CLMN: variants seen among roughly 807,000 people sequenced by gnomAD.
CLMN encodes the protein calmin (calponin-like, transmembrane).
Under a neutral mutation model 92.7 loss-of-function variants are expected in CLMN, and 57 were observed. The ratio of observed to expected loss-of-function variants is 0.61; its 90% confidence interval spans 0.50 to 0.77. The LOEUF (loss-of-function observed/expected upper bound fraction) is 0.77, where lower values mean the gene tolerates loss of function less well. Ranked by LOEUF, CLMN falls within the 30% of genes least tolerant of loss-of-function variation. The pLI is 0.00. For synonymous variants in CLMN, 466 were observed against 470.6 expected (o/e 0.99, Z 0.13); for missense variants, 1,158 against 1,237.5 (o/e 0.94, Z 0.96).
chr14:95,242,250 C>CTTTTTTTTTTTTTTTTT (rs371417505), intron 1 of CLMN, among the ~76,000 whole-genome samples: 24 of 92,596 alleles, frequency 2.6e-4, no homozygotes, highest in Non-Finnish European at 3.9e-4. Flanking sequence ...TTTTCTTTTT[C>CTTTTTTTTTTTTTTTTT]TTTTTTTTTT....
chr14:95,242,568 C>CTGTTTCTTTCTTTT (rs1898292031), intron 1 of CLMN, among the ~76,000 whole-genome samples: 1 of 126,476 alleles, frequency 7.9e-6, no homozygotes. Flanking sequence ...CCTGGCATCT[C>CTGTTTCTTTCTTTT]TTTTTCTTTT....
At chr14:95,204,516 A>C in intron 8 of CLMN, 53 bp from the exon 9 acceptor site, 1 of 1,419,212 alleles carries the variant, frequency 7.0e-7, no homozygotes. Context: ...GAACAACAAC[A>C]AAAAAAAGCA....
chr14:95,296,289 C>G (rs1255122481), intron 1 of CLMN: 1 of 152,166 alleles, frequency 6.6e-6, no homozygotes, highest in African/African-American at 2.4e-5. Context: ...GATAACTAAC[C>G]CACTCCCTCA....
At chr14:95,288,348 G>A (rs1900423450) in intron 1 of CLMN, among the ~76,000 whole-genome samples, 1 of 152,200 alleles carries the variant, frequency 6.6e-6, no homozygotes, top group Non-Finnish European at 1.5e-5. Context: ...AAAGAGATAA[G>A]CCTAAGAGAA....
At chr14:95,261,968 A>T (rs17091981) in intron 1 of CLMN, among the ~76,000 whole-genome samples, 3 of 152,088 alleles carry the variant, frequency 2.0e-5, no homozygotes, top group African/African-American at 7.2e-5. Context: ...TTTTTCCTCC[A>T]AGCGGCAGCT....
intron 5 of CLMN, among the ~76,000 whole-genome samples, chr14:95,214,622 G>T (rs1222953568): frequency 6.6e-6 from 1 of 152,086 alleles, no homozygotes. Flanking sequence ...AAAGTTCTGG[G>T]ATTATATGCG....
At chr14:95,272,617 A>G (rs1037340713) in intron 1 of CLMN, among the ~76,000 whole-genome samples, 1 of 152,206 alleles carries the variant, frequency 6.6e-6, no homozygotes, top group Non-Finnish European at 1.5e-5. Context: ...TACACCAGCC[A>G]TATGTTGTGA....
chr14:95,231,259 C>A (rs1323512222), intron 1 of CLMN, among the ~76,000 whole-genome samples: 1 of 150,274 alleles, frequency 6.7e-6, no homozygotes, highest in Non-Finnish European at 1.5e-5. Flanking sequence ...TGCAGTGACG[C>A]AATCTCGGCT....
At chr14:95,213,494 A>G (rs1897252749) in intron 5 of CLMN, 85 bp from the exon 6 acceptor site, 16 of 1,296,288 alleles carry the variant, frequency 1.2e-5, no homozygotes, top group Middle Eastern at 4.5e-4. Flanking sequence ...CATATGGACC[A>G]TGGCTGGAGG....
chr14:95,284,925 C>A (rs932821417), intron 1 of CLMN, among the ~76,000 whole-genome samples: 1 of 151,944 alleles, frequency 6.6e-6, no homozygotes, highest in African/African-American at 2.4e-5. Context: ...CTGGGAGGGG[C>A]CATGGGTGGA....
At chr14:95,236,344 G>C (rs1898056103) in intron 1 of CLMN, among the ~76,000 whole-genome samples, 1 of 152,146 alleles carries the variant, frequency 6.6e-6, no homozygotes, top group Non-Finnish European at 1.5e-5. Flanking sequence ...AACTACTCTG[G>C]CCTCCCAGCT....
intron 1 of CLMN, among the ~76,000 whole-genome samples, chr14:95,297,696 C>T (rs1900863622): frequency 6.6e-6 from 1 of 152,120 alleles, no homozygotes; most frequent in Admixed American, 6.6e-5. Context: ...CAGTTCTTCC[C>T]TTCTTCCTCC....
chr14:95,232,523 G>C (rs1352227839), intron 1 of CLMN, among the ~76,000 whole-genome samples: 1 of 152,216 alleles, frequency 6.6e-6, no homozygotes, highest in East Asian at 1.9e-4. Context: ...AGAACCAGCA[G>C]ACAGTAATTA....
At chr14:95,229,173 C>T (rs1459707729) in intron 2 of CLMN, among the ~76,000 whole-genome samples, 2 of 152,176 alleles carry the variant, frequency 1.3e-5, no homozygotes. Context: ...TCTCCTCTCC[C>T]AGCCCCAGGC....
rs1238284367 is a variant in CLMN, at chr14:95,203,138, A to G, written c.2211T>C (p.Ala737=). The change falls in exon 9 of 13, where the codon GCT becomes GCC. Residue 737 remains alanine (A), a synonymous_variant. Coordinates refer to ENST00000298912, the MANE Select transcript of CLMN (RefSeq NM_024734.4). ...FYFPHYEVPL[A]AVLEAYVEDP... ...CTTCTACATAAGCCTCCAAAACTGC[A>G]GCCAGGGGAACCTCATAGTGTGGGA... is the stretch of plus-strand genomic sequence containing the variant. The G allele has an allele frequency of 1.2e-6, 2 of 1,612,868 alleles. No individual in the cohort carries two copies. The highest frequency in any genetic ancestry group is 8.5e-7 in the Non-Finnish European group (1 of 1,180,038).
chr14:95,227,514 T>C (rs1897749338), intron 2 of CLMN, among the ~76,000 whole-genome samples: 1 of 152,156 alleles, frequency 6.6e-6, no homozygotes, highest in South Asian at 2.1e-4. Flanking sequence ...CCCTGATAAA[T>C]GGACTAACAA....
chr14:95,236,736 C>T (rs1898069958), intron 1 of CLMN, among the ~76,000 whole-genome samples: 1 of 152,342 alleles, frequency 6.6e-6, no homozygotes, highest in Non-Finnish European at 1.5e-5. Context: ...CAACAAGCCC[C>T]TCTGAGTGAC....
rs201125073 is a variant in CLMN, at chr14:95,215,811, CTCTCTGTGTGTGTG to C, written c.325-92_325-79del. The C allele has an allele frequency of 2.9e-3, 2,651 of 901,258 alleles. 15 individuals carry two copies. The highest frequency in any genetic ancestry group is 0.025 in the Admixed American group (1,240 of 48,740). 55.8% of individuals were successfully genotyped at this position (901,258 alleles called of 1,614,324 possible). ...TATGTTATTTTCTGGTTCTCTCTCT[CTCTCTGTGTGTGTG>C]TGTGTGTGTGTGTGTGTGTGTGTGT... On this transcript the variant is annotated intron_variant, in intron 4 of 12. Coordinates refer to ENST00000298912, the MANE Select transcript of CLMN (RefSeq NM_024734.4).
intron 8 of CLMN, 87 bp downstream of exon 8, chr14:95,209,308 C>A: frequency 1.6e-6 from 2 of 1,215,996 alleles, no homozygotes; most frequent in Non-Finnish European, 2.4e-6. Context: ...TTACACAGAG[C>A]AACGCTGCCC....
Sources: allele counts gnomAD v4.1 joint callset (sites outside exome capture counted in the v4.1 genomes callset), GRCh38; gene constraint gnomAD v4.1.1; transcripts MANE v1.5; gene names NCBI Gene and HGNC (gene_info 2026-07-23, HGNC 2026-07-21).